The following OSBPL1A variants were observed in gnomAD, a reference collection of about 807,000 sequenced individuals.
The protein encoded by OSBPL1A is oxysterol binding protein like 1A.
Under a neutral mutation model 137.1 loss-of-function variants are expected in OSBPL1A, and 80 were observed. That is an observed-to-expected ratio of 0.58 (90% CI 0.49 to 0.70). The LOEUF (loss-of-function observed/expected upper bound fraction) is 0.70, where lower values mean the gene tolerates loss of function less well. OSBPL1A is among the 30% of genes least tolerant of loss of function. The pLI is 0.00. For synonymous variants in OSBPL1A, 365 were observed against 389.7 expected, an observed-to-expected ratio of 0.94 and a Z score of 0.75; for missense variants, 970 against 1,129.4, an observed-to-expected ratio of 0.86 and a Z score of 2.02.
intron 15 of OSBPL1A, chr18:24,272,375 C>A: frequency 1.3e-6 from 1 of 770,062 alleles, no homozygotes; most frequent in Non-Finnish European, 1.6e-6. Context: ...TTTACGGTTC[C>A]AAAACCAAGA....
chr18:24,395,372 C>T (rs1258886172), intron 1 of OSBPL1A, among the ~76,000 whole-genome samples: 2 of 152,178 alleles, frequency 1.3e-5, no homozygotes, highest in South Asian at 2.1e-4. Context: ...TGTATAAAAG[C>T]TCAGCTTCCA....
chr18:24,238,813 C>T (rs934203753), intron 16 of OSBPL1A, among the ~76,000 whole-genome samples: 5 of 152,218 alleles, frequency 3.3e-5, no homozygotes, highest in African/African-American at 1.2e-4. Context: ...TATCACCAAG[C>T]ACTTGCGCTT....
At chr18:24,221,576 C>T (rs79317632) in intron 17 of OSBPL1A, among the ~76,000 whole-genome samples, 5,140 of 152,256 alleles carry the variant, frequency 0.034, 114 homozygotes, top group South Asian at 0.072. Flanking sequence ...ATTTAAGTTT[C>T]GAACTTCCAC....
chr18:24,323,539 C>CTTTTTTTTTTTTTTTTTTTT (rs763234169), intron 7 of OSBPL1A, among the ~76,000 whole-genome samples: 2 of 35,152 alleles, frequency 5.7e-5, no homozygotes, highest in African/African-American at 3.9e-4. Flanking sequence ...GAGGCTTTTT[C>CTTTTTTTTTTTTTTTTTTTT]TTTTTTTTTT....
intron 17 of OSBPL1A, among the ~76,000 whole-genome samples, chr18:24,204,387 T>C (rs2087309513): frequency 6.6e-6 from 1 of 152,200 alleles, no homozygotes; most frequent in African/African-American, 2.4e-5. Flanking sequence ...TTTTGTTATT[T>C]AGTAAGAATT....
intron 18 of OSBPL1A, among the ~76,000 whole-genome samples, chr18:24,193,340 T>C (rs181500296): frequency 1.3e-5 from 2 of 152,040 alleles, no homozygotes; most frequent in Non-Finnish European, 2.9e-5. Flanking sequence ...TACAAAAAAT[T>C]AGCTGGGCAT....
intron 25 of OSBPL1A, 104 bp downstream of exon 25, chr18:24,167,225 C>G: frequency 9.5e-7 from 1 of 1,052,872 alleles, no homozygotes; most frequent in East Asian, 2.4e-5. Flanking sequence ...GGATGCCAAC[C>G]TGCCTGTCTC....
intron 16 of OSBPL1A, among the ~76,000 whole-genome samples, chr18:24,227,866 G>A (rs1326060109): frequency 1.3e-5 from 2 of 152,250 alleles, no homozygotes; most frequent in Non-Finnish European, 1.5e-5. Flanking sequence ...TTATGATTTA[G>A]AAGTCATGAA....
intron 17 of OSBPL1A, among the ~76,000 whole-genome samples, chr18:24,222,481 T>C (rs2087923574): frequency 6.6e-6 from 1 of 152,074 alleles, no homozygotes; most frequent in Non-Finnish European, 1.5e-5. Context: ...ATAAATTAGG[T>C]CCAAGCTTTG....
At chr18:24,392,083 T>C (rs1047590915) in intron 1 of OSBPL1A, among the ~76,000 whole-genome samples, 2 of 152,150 alleles carry the variant, frequency 1.3e-5, no homozygotes, top group South Asian at 2.1e-4. Flanking sequence ...CTCAAACTCC[T>C]AGGTTCAAGC....
Position 24,239,199 on chromosome 18 carries a change from A to G in OSBPL1A, c.1444+21T>C, listed in dbSNP as rs1340319814. The G allele has an allele frequency of 1.9e-6, 3 of 1,610,594 alleles. No individual in the cohort carries two copies. In the East Asian group the frequency reaches 6.7e-5, roughly 36 times the overall value. ...GGACTCTAAATCACCAACAATGCAG[A>G]GGGAAGGATCCCAGAGTTACCTGAC... On this transcript the variant is annotated intron_variant, in intron 16 of 27. Transcript: ENST00000319481.
At chr18:24,316,236 G>A (rs1452173161) in intron 11 of OSBPL1A, among the ~76,000 whole-genome samples, 1 of 151,906 alleles carries the variant, frequency 6.6e-6, no homozygotes, top group Non-Finnish European at 1.5e-5. Context: ...CCTCCAGCCT[G>A]GGAGACAGAG....
At chr18:24,203,437 T>C (rs2087276574) in intron 17 of OSBPL1A, among the ~76,000 whole-genome samples, 1 of 152,214 alleles carries the variant, frequency 6.6e-6, no homozygotes, top group African/African-American at 2.4e-5. Context: ...ATTTTTTAAA[T>C]TGAAATATTA....
chr18:24,237,283 G>T (rs1254851161), intron 16 of OSBPL1A, among the ~76,000 whole-genome samples: 3 of 152,096 alleles, frequency 2.0e-5, no homozygotes, highest in African/African-American at 7.2e-5. Context: ...CAAACATGGG[G>T]TTCTTAAATA....
At chr18:24,286,811 G>T (rs576451014) in intron 14 of OSBPL1A, among the ~76,000 whole-genome samples, 1 of 152,312 alleles carries the variant, frequency 6.6e-6, no homozygotes, top group Non-Finnish European at 1.5e-5. Context: ...GTTTTCATCT[G>T]CCAGTTATGG....
intron 2 of OSBPL1A, among the ~76,000 whole-genome samples, chr18:24,372,288 A>AT (rs1205364929): frequency 6.6e-6 from 1 of 151,558 alleles, no homozygotes; most frequent in Non-Finnish European, 1.5e-5. Context: ...AAAAAAAAAA[A>AT]GAAAGAAAAA....
intron 17 of OSBPL1A, among the ~76,000 whole-genome samples, chr18:24,200,343 C>A (rs1300529180): frequency 6.6e-6 from 1 of 152,102 alleles, no homozygotes; most frequent in South Asian, 2.1e-4. Flanking sequence ...GCGGGTGGAT[C>A]ACAAGGTCTG....
intron 14 of OSBPL1A, among the ~76,000 whole-genome samples, chr18:24,293,104 C>CAAAAAA (rs1172730345): frequency 7.7e-4 from 51 of 66,264 alleles, no homozygotes; most frequent in Admixed American, 1.8e-3. Flanking sequence ...ACTCCCGTCT[C>CAAAAAA]AAAAAAAAAA....
chr18:24,316,965 A>T (rs2090747672), intron 11 of OSBPL1A, among the ~76,000 whole-genome samples, 184 bp downstream of exon 11: 3 of 152,370 alleles, frequency 2.0e-5, no homozygotes, highest in Non-Finnish European at 2.9e-5. Context: ...ACTATATTTT[A>T]AAATTTTGTT....
Sources: allele counts gnomAD v4.1 joint callset (sites outside exome capture counted in the v4.1 genomes callset), GRCh38; gene constraint gnomAD v4.1.1; transcripts MANE v1.5; gene names NCBI Gene and HGNC (gene_info 2026-07-23, HGNC 2026-07-21).